DNER: variants seen among roughly 807,000 people sequenced by gnomAD.
DNER encodes the protein delta and Notch-like epidermal growth factor-related receptor.
A neutral mutation model predicts 78.2 loss-of-function variants in DNER; 33 were observed. The ratio of observed to expected loss-of-function variants is 0.42; its 90% CI spans 0.32 to 0.56. The LOEUF is 0.56. Ranked by LOEUF, DNER falls within the 20% of genes least tolerant of loss-of-function variation. The pLI is 0.11. For missense variants in DNER, 918 were observed against 975.3 expected (o/e 0.94, Z 0.78); for synonymous variants, 417 against 384.8 (o/e 1.08, Z -0.98).
intron 8 of DNER, among the ~76,000 whole-genome samples, chr2:229,436,690 C>T (rs1694125132): frequency 6.6e-6 from 1 of 152,110 alleles, no homozygotes; most frequent in South Asian, 2.1e-4. Flanking sequence ...CCATGTCCAG[C>T]CAATCTAAGC....
intron 1 of DNER, among the ~76,000 whole-genome samples, chr2:229,699,851 G>A (rs1699715571): frequency 6.6e-6 from 1 of 151,980 alleles, no homozygotes; most frequent in Non-Finnish European, 1.5e-5. Context: ...TAATGAATCT[G>A]GCTAAATAAG....
chr2:229,502,201 G>A (rs1695634801), intron 6 of DNER, among the ~76,000 whole-genome samples: 1 of 152,182 alleles, frequency 6.6e-6, no homozygotes, highest in Non-Finnish European at 1.5e-5. Flanking sequence ...TTTGAGGGGT[G>A]CATTAAAGTA....
intron 5 of DNER, among the ~76,000 whole-genome samples, chr2:229,524,086 G>A (rs375562644): frequency 2.0e-5 from 3 of 152,242 alleles, no homozygotes; most frequent in East Asian, 3.8e-4. Flanking sequence ...GAGAGGGTGA[G>A]TAAATTGACC....
At chr2:229,542,259 G>A (rs961202788) in intron 5 of DNER, among the ~76,000 whole-genome samples, 2 of 151,960 alleles carry the variant, frequency 1.3e-5, no homozygotes, top group Non-Finnish European at 2.9e-5. Flanking sequence ...TAAGCAGAAG[G>A]AAAGATCAGA....
At chr2:229,618,620 A>C (rs77867459) in intron 1 of DNER, among the ~76,000 whole-genome samples, 3,349 of 152,294 alleles carry the variant, frequency 0.022, 50 homozygotes, top group Non-Finnish European at 0.032. Flanking sequence ...TTCTTCCACC[A>C]GGGCACCAAG....
intron 1 of DNER, among the ~76,000 whole-genome samples, chr2:229,684,316 G>C (rs1699448164): frequency 6.6e-6 from 1 of 151,506 alleles, no homozygotes; most frequent in South Asian, 2.1e-4. Flanking sequence ...GAGGAGCTAG[G>C]GGAACAGATT....
At position 229,588,254 on chromosome 2, in the gene DNER, C is replaced by G. The variant is rs192882059; in HGVS notation, c.680+140G>C. 23 of 695,576 alleles carry G rather than the reference C, an allele frequency of 3.3e-5. No homozygotes were observed. The Middle Eastern group carries it at 1.2e-3, about 36-fold the overall frequency. The allele number at this position is 695,576 out of a possible 1,614,324, so 43.1% of individuals were successfully genotyped here. ...ATCGCTTCCTCTAGTTTTCAAATGG[C>G]AGGGGCCACATCTACCCGTGGAATC... On this transcript the variant is annotated intron_variant, in intron 3 of 12. Coordinates refer to ENST00000341772, the MANE Select transcript of DNER (RefSeq NM_139072.4).
chr2:229,667,267 T>A (rs1389370313), intron 1 of DNER, among the ~76,000 whole-genome samples: 1 of 152,094 alleles, frequency 6.6e-6, no homozygotes, highest in Non-Finnish European at 1.5e-5. Context: ...GCCCATGGGG[T>A]AACTAATGGG....
chr2:229,367,049 G>T lies in DNER; in HGVS notation c.1926C>A (p.Ile642=), dbSNP rs780595412. 2.5e-5 allele frequency: 40 copies of T among 1,614,004 alleles called. No homozygotes were observed. Among genetic ancestry groups the T allele is most frequent in the African/African-American group, 4.0e-5 (3 of 74,934 alleles). ...TNMPRHSLYI[I]IGALCVAFIL... is the part of the protein sequence containing the mutation. Reference sequence around the variant, plus strand: ...TGAAGGCCACGCAGAGGGCTCCAATGATGATGTAGAGGGAGTGCCGTGGCA... The same window carrying T: ...TGAAGGCCACGCAGAGGGCTCCAATTATGATGTAGAGGGAGTGCCGTGGCA... Residue 642 remains isoleucine (I), a synonymous_variant, in exon 12 of 13, where the codon ATC becomes ATA. Transcript: ENST00000341772.
intron 5 of DNER, among the ~76,000 whole-genome samples, chr2:229,520,210 TCTC>T (rs1696067162): frequency 6.6e-6 from 1 of 152,166 alleles, no homozygotes; most frequent in Non-Finnish European, 1.5e-5. Context: ...CACAGGATCT[TCTC>T]CTCCTTCTTC....
chr2:229,440,075 T>A (rs1694199269), intron 8 of DNER, among the ~76,000 whole-genome samples: 1 of 152,156 alleles, frequency 6.6e-6, no homozygotes, highest in African/African-American at 2.4e-5. Flanking sequence ...TTAAGTGAGG[T>A]GAAAAAGCAG....
At chr2:229,529,842 T>A (rs1696269030) in intron 5 of DNER, among the ~76,000 whole-genome samples, 1 of 152,064 alleles carries the variant, frequency 6.6e-6, no homozygotes, top group South Asian at 2.1e-4. Flanking sequence ...ACCCTGTCTC[T>A]ACGAAAAATA....
rs561421836 is a variant in DNER at position 229,558,098 on chromosome 2, G to C, written c.848-11006C>G. 6.4e-4 allele frequency among the ~76,000 whole-genome samples: 97 copies of C among 152,234 alleles called. 1 individual carries two copies. Among genetic ancestry groups the C allele is most frequent in the Admixed American group, 1.5e-3 (23 of 15,292 alleles). On this transcript the variant is annotated intron_variant, in intron 4 of 12. Transcript: ENST00000341772. ...TGCAGGGACATGGATGGAGCTGGGG[G>C]CCATTATCCTTAGCAAACTAACACA...
intron 6 of DNER, among the ~76,000 whole-genome samples, chr2:229,489,175 G>A (rs567705329): frequency 1.3e-5 from 2 of 152,352 alleles, no homozygotes; most frequent in South Asian, 4.1e-4. Flanking sequence ...CACATCGGCA[G>A]CTGTGAGTAA....
intron 7 of DNER, among the ~76,000 whole-genome samples, chr2:229,464,284 A>C (rs1273017660): frequency 1.3e-5 from 2 of 152,246 alleles, no homozygotes; most frequent in East Asian, 1.9e-4. Flanking sequence ...TAAAAGACCC[A>C]ATAGGATTGC....
rs561654858 is a variant in DNER at position 229,622,448 on chromosome 2, G to A, written c.277-30560C>T. On this transcript the variant is annotated intron_variant, in intron 1 of 12. Coordinates refer to ENST00000341772, the MANE Select transcript of DNER (RefSeq NM_139072.4). The stretch of plus-strand genomic sequence containing the variant: ...ATCTGAGCAAGATACCTGCTAATGT[G>A]ACTTAACCAAGCTTGAGTCTTTTCT... Among the ~76,000 whole-genome samples, 5 of 152,302 alleles carry A rather than the reference G, an allele frequency of 3.3e-5. No individual in the cohort carries two copies. The South Asian group carries it at 1.0e-3, about 32-fold the overall frequency.
chr2:229,575,335 T>G (rs1296226272), intron 4 of DNER, among the ~76,000 whole-genome samples: 1 of 152,172 alleles, frequency 6.6e-6, no homozygotes, highest in African/African-American at 2.4e-5. Flanking sequence ...TCTGTTCTAT[T>G]AAATTTTGAA....
intron 1 of DNER, among the ~76,000 whole-genome samples, chr2:229,703,815 T>A (rs1699787584): frequency 6.6e-6 from 1 of 151,444 alleles, no homozygotes; most frequent in Non-Finnish European, 1.5e-5. Context: ...AGGCGGAGGT[T>A]GCAAGGAGCC....
intron 4 of DNER, among the ~76,000 whole-genome samples, chr2:229,567,984 A>G (rs1194389299): frequency 3.9e-5 from 6 of 152,176 alleles, no homozygotes. Flanking sequence ...CAAAATCCCA[A>G]TCTGAGTGTG....
Sources: allele counts gnomAD v4.1 joint callset (sites outside exome capture counted in the v4.1 genomes callset), GRCh38; gene constraint gnomAD v4.1.1; transcripts MANE v1.5; gene names NCBI Gene and HGNC (gene_info 2026-07-23, HGNC 2026-07-21).